The following KCNAB1 variants were observed in gnomAD, a reference collection of about 807,000 sequenced individuals.
KCNAB1 encodes voltage-gated potassium channel subunit beta-1.
A neutral mutation model predicts 64.6 loss-of-function variants in KCNAB1; 35 were observed. The observed-to-expected ratio is 0.54, with a 90% CI of 0.41 to 0.72. KCNAB1 has a LOEUF of 0.72. KCNAB1 is among the 30% of genes least tolerant of loss of function. The pLI is 0.00. For missense variants in KCNAB1, 401 were observed against 512.9 expected (o/e 0.78, Z 2.11); for synonymous variants, 177 against 183.8 (o/e 0.96, Z 0.30).
chr3:156,433,115 C>T (rs568437028), intron 2 of KCNAB1, among the ~76,000 whole-genome samples: 45 of 152,298 alleles, frequency 3.0e-4, no homozygotes, highest in African/African-American at 7.9e-4. Context: ...ATGCAGTAGA[C>T]GCTGTGCTGG....
intron 1 of KCNAB1, among the ~76,000 whole-genome samples, chr3:156,330,579 C>T (rs899442820): frequency 6.6e-6 from 1 of 152,138 alleles, no homozygotes; most frequent in Non-Finnish European, 1.5e-5. Context: ...CTTAATGGAG[C>T]AAGATGAGCT....
chr3:156,216,616 A>T (rs1576613618), intron 1 of KCNAB1, among the ~76,000 whole-genome samples: 1 of 152,190 alleles, frequency 6.6e-6, no homozygotes, highest in Admixed American at 6.5e-5. Flanking sequence ...CCTGTGCATG[A>T]ATGAGGCAGA....
At chr3:156,528,403 T>C (rs1267517332) in intron 12 of KCNAB1, among the ~76,000 whole-genome samples, 1 of 152,228 alleles carries the variant, frequency 6.6e-6, no homozygotes, top group African/African-American at 2.4e-5. Context: ...AATAAGTTCC[T>C]ACTTTGTGCA....
intron 1 of KCNAB1, among the ~76,000 whole-genome samples, chr3:156,251,737 G>A (rs1717840855): frequency 6.6e-6 from 1 of 152,132 alleles, no homozygotes; most frequent in Non-Finnish European, 1.5e-5. Context: ...AAATACAAAG[G>A]TACAGCCAAA....
chr3:156,484,828 A>T (rs1715081801), intron 8 of KCNAB1, among the ~76,000 whole-genome samples: 1 of 149,220 alleles, frequency 6.7e-6, no homozygotes, highest in African/African-American at 2.5e-5. Context: ...TGGTTTTGTT[A>T]ACCCCCCTCC....
chr3:156,522,853 C>T (rs1054935443), intron 11 of KCNAB1, among the ~76,000 whole-genome samples: 2 of 152,100 alleles, frequency 1.3e-5, no homozygotes, highest in East Asian at 1.9e-4. Flanking sequence ...CACAATTACA[C>T]GCAAGAGAGA....
At chr3:156,141,532 CTT>C in intron 1 of KCNAB1, among the ~76,000 whole-genome samples, 1 of 147,232 alleles carries the variant, frequency 6.8e-6, no homozygotes, top group African/African-American at 2.5e-5. Context: ...TTGGTATTAG[CTT>C]TTTTTTTTTC....
intron 1 of KCNAB1, among the ~76,000 whole-genome samples, chr3:156,259,112 A>G (rs910886931): frequency 6.6e-6 from 1 of 152,202 alleles, no homozygotes; most frequent in Middle Eastern, 3.2e-3. Flanking sequence ...GGATCTAGTG[A>G]CTCAATGCTG....
intron 1 of KCNAB1, among the ~76,000 whole-genome samples, chr3:156,279,362 A>G (rs1338427224): frequency 2.6e-5 from 4 of 152,080 alleles, no homozygotes; most frequent in Non-Finnish European, 5.9e-5. Flanking sequence ...AATCCCGTCT[A>G]TCATTGTTGG....
intron 1 of KCNAB1, among the ~76,000 whole-genome samples, chr3:156,299,359 A>G (rs1721006248): frequency 1.3e-5 from 2 of 152,250 alleles, no homozygotes; most frequent in Non-Finnish European, 2.9e-5. Flanking sequence ...CTGTAGAGCC[A>G]TGAGGACCCC....
chr3:156,514,385 A>G lies in KCNAB1; in HGVS notation c.680A>G (p.His227Arg). Residue 227 changes from histidine to arginine, a missense_variant, in exon 9 of 14, where the codon CAT becomes CGT. Physicochemically the swap from His to Arg is conservative, Grantham distance 29. Coordinates refer to ENST00000490337, the MANE Select transcript of KCNAB1 (RefSeq NM_172160.3). ...PMEEIVRAMT[H>R]VINQGMAMYW... ...ACAGAAATTGTCCGAGCCATGACAC[A>G]TGTGATAAACCAAGGCATGGCGATG... 6.2e-7 allele frequency: 1 copy of G among 1,614,022 alleles called. No individual in the cohort carries two copies.
chr3:156,279,364 C>T (rs956775675), intron 1 of KCNAB1, among the ~76,000 whole-genome samples: 2 of 152,048 alleles, frequency 1.3e-5, no homozygotes, highest in Admixed American at 1.3e-4. Flanking sequence ...TCCCGTCTAT[C>T]ATTGTTGGAC....
At chr3:156,172,008 G>A (rs1712026848) in intron 1 of KCNAB1, among the ~76,000 whole-genome samples, 1 of 152,168 alleles carries the variant, frequency 6.6e-6, no homozygotes, top group South Asian at 2.1e-4. Flanking sequence ...CCTTCTAAAT[G>A]CATTTCAACT....
intron 1 of KCNAB1, among the ~76,000 whole-genome samples, chr3:156,373,743 C>A (rs1380654196): frequency 1.3e-5 from 2 of 152,166 alleles, no homozygotes; most frequent in Non-Finnish European, 2.9e-5. Flanking sequence ...TACCAAAAGG[C>A]TAAATGTAAG....
chr3:156,166,903 G>C (rs1711605719), intron 1 of KCNAB1, among the ~76,000 whole-genome samples: 1 of 152,174 alleles, frequency 6.6e-6, no homozygotes. Context: ...GTAGGAACCG[G>C]TTGATGTTTA....
chr3:156,244,179 T>C (rs899453373), intron 1 of KCNAB1, among the ~76,000 whole-genome samples: 2 of 152,218 alleles, frequency 1.3e-5, no homozygotes, highest in Non-Finnish European at 2.9e-5. Flanking sequence ...AAAACCGAAG[T>C]GTCTCCTGGG....
intron 2 of KCNAB1, among the ~76,000 whole-genome samples, chr3:156,426,365 C>T (rs987012911): frequency 6.6e-6 from 1 of 152,126 alleles, no homozygotes; most frequent in African/African-American, 2.4e-5. Context: ...GAGCAAAAAG[C>T]ACAAGGAGTT....
intron 1 of KCNAB1, among the ~76,000 whole-genome samples, chr3:156,357,061 G>A (rs1725288573): frequency 6.6e-6 from 1 of 152,004 alleles, no homozygotes; most frequent in Non-Finnish European, 1.5e-5. Context: ...ACTCTCTATG[G>A]CCAAAGTCAC....
At chr3:156,352,667 G>C (rs1010679070) in intron 1 of KCNAB1, among the ~76,000 whole-genome samples, 2 of 152,190 alleles carry the variant, frequency 1.3e-5, no homozygotes, top group Admixed American at 1.3e-4. Context: ...ACCTCAGTCA[G>C]GTCTGTCCTT....
Sources: gnomAD v4.1 joint callset for allele counts (sites outside exome capture counted in the v4.1 genomes callset) on GRCh38, gnomAD v4.1.1 for gene constraint, MANE v1.5 for transcripts, NCBI Gene and HGNC (gene_info 2026-07-23, HGNC 2026-07-21) for gene names.